The following PRCP variants were observed in gnomAD, a reference collection of about 807,000 sequenced individuals.
PRCP encodes the protein lysosomal Pro-X carboxypeptidase.
Under a neutral mutation model 54.2 loss-of-function variants are expected in PRCP, and 46 were observed. That is an observed-to-expected ratio of 0.85 (90% CI 0.67 to 1.09). PRCP has a LOEUF of 1.09. PRCP is among the 50% of genes least tolerant of loss of function. The pLI, the probability that PRCP is intolerant of heterozygous loss-of-function variation, is 0.00. For missense variants in PRCP, 613 were observed against 596.8 expected (o/e 1.03, Z -0.28); for synonymous variants, 240 against 212.2 (o/e 1.13, Z -1.14).
chr11:82,883,471 A>G (rs1173883345), intron 1 of PRCP, among the ~76,000 whole-genome samples: 2 of 152,236 alleles, frequency 1.3e-5, no homozygotes, highest in Non-Finnish European at 1.5e-5. Context: ...TCAATAATAA[A>G]TAACAATAAA....
At chr11:82,867,757 T>C (rs1456866455) in intron 1 of PRCP, among the ~76,000 whole-genome samples, 3 of 152,140 alleles carry the variant, frequency 2.0e-5, no homozygotes, top group African/African-American at 7.2e-5. Flanking sequence ...GGGTCTCCCC[T>C]CTGTAGCCCA....
intron 1 of PRCP, among the ~76,000 whole-genome samples, chr11:82,864,830 A>G (rs3763815): frequency 0.24 from 36,754 of 152,096 alleles, 5,025 homozygotes; most frequent in Admixed American, 0.3. Context: ...GGCAAGAAGA[A>G]AAGAGACCAT....
rs138726235 is a variant in PRCP, at chr11:82,882,043, A to C, written c.168+18192T>G. Among the ~76,000 whole-genome samples, 30 of 152,360 alleles carry C rather than the reference A, an allele frequency of 2.0e-4. No individual in the cohort carries two copies. The East Asian group carries it at 5.6e-3, about 28-fold the overall frequency. On this transcript the variant is annotated intron_variant, in intron 1 of 8. Coordinates refer to ENST00000313010, the MANE Select transcript of PRCP (RefSeq NM_005040.4). ...TATTAAGTAAATCTTAAGGAAGAGAAAATATATTTATTATTCATTAAGTGA... is the reference window on the plus strand; with the variant it reads ...TATTAAGTAAATCTTAAGGAAGAGACAATATATTTATTATTCATTAAGTGA...
chr11:82,867,014 G>A (rs1290563674), intron 1 of PRCP, among the ~76,000 whole-genome samples: 3 of 152,112 alleles, frequency 2.0e-5, no homozygotes, highest in East Asian at 1.9e-4. Flanking sequence ...GAGCCACCGC[G>A]CCCGGCCATA....
At chr11:82,891,749 C>G (rs1860013338) in intron 1 of PRCP, among the ~76,000 whole-genome samples, 2 of 152,140 alleles carry the variant, frequency 1.3e-5, no homozygotes, top group Admixed American at 1.3e-4. Context: ...TGCTCTTTCC[C>G]CAGTGCCTCG....
rs902924030 is a variant in PRCP, at chr11:82,877,730, C to T, written c.169-17613G>A. ...TGGATGCCCAGGCAAAAGTTTGCTG[C>T]AGGGGTGGAGCCCTCATGGAGAACC... is the stretch of plus-strand genomic sequence containing the variant. On this transcript the variant is annotated intron_variant, in intron 1 of 8. Transcript: ENST00000313010. Among the ~76,000 whole-genome samples, 4 of 152,230 alleles carry T rather than the reference C, an allele frequency of 2.6e-5. 1 individual carries two copies. In the South Asian group the frequency reaches 8.3e-4, roughly 31 times the overall value.
At chr11:82,869,385 G>C (rs1565229831) in intron 1 of PRCP, among the ~76,000 whole-genome samples, 1 of 143,812 alleles carries the variant, frequency 7.0e-6, no homozygotes, top group South Asian at 2.2e-4. Flanking sequence ...AAGAAAAGAA[G>C]AAAAGAAAGA....
intron 1 of PRCP, among the ~76,000 whole-genome samples, chr11:82,898,532 A>C (rs979841310): frequency 6.6e-6 from 1 of 152,226 alleles, no homozygotes; most frequent in Non-Finnish European, 1.5e-5. Flanking sequence ...AGTTGTATAT[A>C]AAATCCCAGC....
chr11:82,863,605 C>T (rs1859260547), intron 1 of PRCP, among the ~76,000 whole-genome samples: 1 of 152,138 alleles, frequency 6.6e-6, no homozygotes. Flanking sequence ...GAGATATTGC[C>T]GTAGCCTTTA....
chr11:82,895,541 A>C (rs1255015358), intron 1 of PRCP, among the ~76,000 whole-genome samples: 1 of 152,202 alleles, frequency 6.6e-6, no homozygotes, highest in Non-Finnish European at 1.5e-5. Context: ...GATCAAGGTC[A>C]ATCCATCATA....
chr11:82,854,269 A>T (rs1859027391), intron 2 of PRCP, among the ~76,000 whole-genome samples: 1 of 152,212 alleles, frequency 6.6e-6, no homozygotes. Flanking sequence ...AGACTCCACC[A>T]AAAGACTTCT....
At chr11:82,865,309 C>A (rs1489985491) in intron 1 of PRCP, among the ~76,000 whole-genome samples, 1 of 152,176 alleles carries the variant, frequency 6.6e-6, no homozygotes, top group Admixed American at 6.5e-5. Flanking sequence ...CCTCGGTAGG[C>A]GACACTTAAG....
At chr11:82,857,053 G>C (rs1364451436) in intron 2 of PRCP, among the ~76,000 whole-genome samples, 2 of 94,358 alleles carry the variant, frequency 2.1e-5, no homozygotes, top group African/African-American at 8.1e-5. Flanking sequence ...AAAAAAAAAA[G>C]TCTACAAATT....
intron 8 of PRCP, chr11:82,831,501 G>A (rs778535596): frequency 6.6e-6 from 1 of 152,062 alleles, no homozygotes; most frequent in African/African-American, 2.4e-5. Flanking sequence ...ATATGAATTG[G>A]CAATTTGCCC....
At chr11:82,867,416 G>T (rs140910710) in intron 1 of PRCP, among the ~76,000 whole-genome samples, 2 of 152,182 alleles carry the variant, frequency 1.3e-5, no homozygotes, top group Non-Finnish European at 2.9e-5. Context: ...ATATCCTGCC[G>T]TTGAGAATAC....
intron 1 of PRCP, 183 bp downstream of exon 1, chr11:82,900,052 G>A (rs1229550532): frequency 6.8e-6 from 5 of 732,438 alleles, no homozygotes; most frequent in Non-Finnish European, 1.1e-5. Context: ...ATTGGTAATG[G>A]GAGGAGAAAA....
At chr11:82,898,272 T>G (rs1348246355) in intron 1 of PRCP, among the ~76,000 whole-genome samples, 2 of 152,172 alleles carry the variant, frequency 1.3e-5, no homozygotes, top group Non-Finnish European at 2.9e-5. Flanking sequence ...TGAGTAAAGC[T>G]GGACTTTGCA....
chr11:82,834,218 T>G (rs1220928655), intron 8 of PRCP, among the ~76,000 whole-genome samples: 4 of 152,194 alleles, frequency 2.6e-5, no homozygotes, highest in Non-Finnish European at 5.9e-5. Context: ...GATACATTTG[T>G]GCTGTTTATA....
chr11:82,853,443 C>T (rs1222253867), intron 2 of PRCP, among the ~76,000 whole-genome samples, 165 bp from the exon 3 acceptor site: 2 of 152,188 alleles, frequency 1.3e-5, no homozygotes, highest in Non-Finnish European at 2.9e-5. Flanking sequence ...TAATTGATGT[C>T]TTATTGTTGC....
Sources: gnomAD v4.1 joint callset for allele counts (sites outside exome capture counted in the v4.1 genomes callset) on GRCh38, gnomAD v4.1.1 for gene constraint, MANE v1.5 for transcripts, NCBI Gene and HGNC (gene_info 2026-07-23, HGNC 2026-07-21) for gene names.